TRPM1: variants seen among roughly 807,000 people sequenced by gnomAD.
TRPM1 encodes the protein transient receptor potential cation channel subfamily M member 1, also known as TRPM1-203 APA Isoform, Intron 10.
TRPM1 carries 113 observed loss-of-function variants against 149.4 expected under a neutral mutation model. That is an observed-to-expected ratio of 0.76 (90% CI 0.65 to 0.88). TRPM1 has a LOEUF of 0.88. TRPM1 is among the 40% of genes least tolerant of loss of function. TRPM1 has a pLI of 0.00. For missense variants in TRPM1, 1,976 were observed against 2,038.7 expected, an observed-to-expected ratio of 0.97 and a Z score of 0.59; for synonymous variants, 741 against 759.5, an observed-to-expected ratio of 0.98 and a Z score of 0.40.
intron 27 of TRPM1, among the ~76,000 whole-genome samples, chr15:31,004,071 C>G (rs1345620819): frequency 1.3e-5 from 2 of 152,296 alleles, no homozygotes; most frequent in East Asian, 3.9e-4. Context: ...GCTAGGAGTC[C>G]TGGCTACTGT....
Position 31,040,025 on chromosome 15 carries a change from A to T in TRPM1, c.2316+93T>A. 1 of 1,127,068 alleles carries T rather than the reference A, an allele frequency of 8.9e-7. No homozygotes were observed. The highest frequency in any genetic ancestry group is 1.3e-6 in the Non-Finnish European group (1 of 749,682). 69.8% of individuals were successfully genotyped at this position (1,127,068 alleles called of 1,614,324 possible). On this transcript the variant is annotated intron_variant, in intron 18 of 27. Coordinates refer to ENST00000256552, the MANE Select transcript of TRPM1 (RefSeq NM_001252024.2). The surrounding 1 kb of genome is among the most constrained non-coding windows in gnomAD (Gnocchi z 4.2). ...CCTCAGGGGGTTGCTAGAAGGAATA[A>T]ATGAAATAAGCCACAGAAAGTGCTC...
intron 25 of TRPM1, among the ~76,000 whole-genome samples, chr15:31,027,901 C>T (rs146346809): frequency 3.3e-4 from 50 of 152,136 alleles, no homozygotes; most frequent in South Asian, 8.3e-4. Context: ...TTTCTTAGGC[C>T]ATTTTATCTT....
chr15:31,023,431 C>T (rs2032616947), intron 27 of TRPM1, among the ~76,000 whole-genome samples: 1 of 152,120 alleles, frequency 6.6e-6, no homozygotes. Flanking sequence ...TTCAGGAAAG[C>T]CAGTGCAGGA....
intron 1 of TRPM1, chr15:31,160,861 C>T (rs1234101422): frequency 6.5e-7 from 1 of 1,530,608 alleles, no homozygotes; most frequent in African/African-American, 1.4e-5. Flanking sequence ...TGTCCCTCTG[C>T]CCTTCCGCCC....
intron 24 of TRPM1, among the ~76,000 whole-genome samples, chr15:31,028,821 T>C (rs1193725122): frequency 6.6e-6 from 1 of 152,120 alleles, no homozygotes; most frequent in Non-Finnish European, 1.5e-5. Flanking sequence ...GAGATAGTCA[T>C]TATTTGTCAT....
chr15:31,016,230 C>T (rs2032350865), intron 27 of TRPM1, among the ~76,000 whole-genome samples: 1 of 152,134 alleles, frequency 6.6e-6, no homozygotes, highest in Non-Finnish European at 1.5e-5. Context: ...CAAAATATGC[C>T]AATACCCTCA....
At chr15:31,020,806 T>C (rs1298690796) in intron 27 of TRPM1, among the ~76,000 whole-genome samples, 1 of 152,114 alleles carries the variant, frequency 6.6e-6, no homozygotes, top group Non-Finnish European at 1.5e-5. Flanking sequence ...TGCATGCTTG[T>C]CTCTCTGTCT....
In TRPM1 at chr15:31,002,514, C is replaced by CT. The variant is rs1566981866; in HGVS notation, c.4185dup (p.Glu1396ArgfsTer10). On this transcript the variant is annotated frameshift_variant, in exon 28 of 28. Coordinates refer to ENST00000256552, the MANE Select transcript of TRPM1 (RefSeq NM_001252024.2). LOFTEE classifies it low-confidence loss of function (END_TRUNC). ...TTTAAACTTGGGGAAATAGTTTCTT[C>CT]TTTTTTAGAGTCTGTCTGTCTTTCA... 6.2e-7 allele frequency: 1 copy of CT among 1,614,060 alleles called. No individual in the cohort carries two copies. The highest frequency in any genetic ancestry group is 1.7e-5 in the Admixed American group (1 of 60,010).
chr15:31,118,567 A>C (rs906975835), intron 1 of TRPM1, among the ~76,000 whole-genome samples: 2 of 152,172 alleles, frequency 1.3e-5, no homozygotes, highest in Non-Finnish European at 2.9e-5. Flanking sequence ...ATATTGTAGA[A>C]CGAGTGGCAA....
chr15:31,137,523 T>G (rs908369949), intron 1 of TRPM1, among the ~76,000 whole-genome samples: 4 of 152,160 alleles, frequency 2.6e-5, no homozygotes, highest in Non-Finnish European at 5.9e-5. Flanking sequence ...TCAAGCCCCT[T>G]GAATTAGGCA....
intron 21 of TRPM1, 85 bp from the exon 22 acceptor site, chr15:31,033,025 A>G: frequency 6.3e-7 from 1 of 1,583,528 alleles, no homozygotes; most frequent in Non-Finnish European, 8.6e-7. Flanking sequence ...AGACTGATGG[A>G]ACATTCCAGG....
chr15:31,009,490 T>A (rs541159151), intron 27 of TRPM1, among the ~76,000 whole-genome samples: 1 of 152,318 alleles, frequency 6.6e-6, no homozygotes, highest in South Asian at 2.1e-4. Context: ...TTTTTTTCCC[T>A]CTGTCTTTAG....
chr15:31,056,354 T>C (rs1243273329), intron 11 of TRPM1, among the ~76,000 whole-genome samples: 2 of 152,254 alleles, frequency 1.3e-5, no homozygotes, highest in African/African-American at 2.4e-5. Context: ...TGTGAAGATA[T>C]GGCTGCTTGA....
rs1167939130 is a variant in TRPM1 at position 31,081,442 on chromosome 15, C to T, written c.-83-4G>A. On this transcript the variant is annotated splice_region_variant and splice_polypyrimidine_tract_variant and intron_variant, in intron 1 of 27. Coordinates refer to ENST00000256552, the MANE Select transcript of TRPM1 (RefSeq NM_001252024.2). ...GTCCTCAGAAATCTTCTAGAACCTA[C>T]GAGGATAAACAAGAGGAGTAAGAGT... The T allele has an allele frequency of 1.3e-6, 2 of 1,527,992 alleles. No homozygotes were observed. The highest frequency in any genetic ancestry group is 1.8e-6 in the Non-Finnish European group (2 of 1,141,154). The allele number at this position is 1,527,992 out of a possible 1,614,324, so 94.7% of individuals were successfully genotyped here.
intron 1 of TRPM1, among the ~76,000 whole-genome samples, chr15:31,089,829 C>G (rs912588554): frequency 6.6e-6 from 1 of 152,194 alleles, no homozygotes; most frequent in South Asian, 2.1e-4. Flanking sequence ...GCGGAAGGCA[C>G]TTCTGCCTGC....
Position 31,049,527 on chromosome 15 carries a change from C to A in TRPM1, c.1438-18G>T, listed in dbSNP as rs374493963. Reference sequence around the variant, plus strand: ...GCATTCACCTGCAGGGACCAAGGGCCGGGAGCCTGTGAGTGGCCTCTCAGA... The same window carrying A: ...GCATTCACCTGCAGGGACCAAGGGCAGGGAGCCTGTGAGTGGCCTCTCAGA... On this transcript the variant is annotated intron_variant, in intron 12 of 27. Transcript: ENST00000256552. 1.9e-6 allele frequency: 3 copies of A among 1,613,020 alleles called. No homozygotes were observed. Among genetic ancestry groups the A allele is most frequent in the Non-Finnish European group, 2.5e-6 (3 of 1,179,994 alleles).
chr15:31,154,998 C>T (rs145074192), intron 1 of TRPM1, among the ~76,000 whole-genome samples: 6 of 152,240 alleles, frequency 3.9e-5, no homozygotes, highest in East Asian at 1.9e-4. Context: ...AGTAATAATC[C>T]GTGTGAATTA....
At chr15:31,121,109 C>T (rs923315087) in intron 1 of TRPM1, among the ~76,000 whole-genome samples, 2 of 151,564 alleles carry the variant, frequency 1.3e-5, no homozygotes, top group African/African-American at 2.4e-5. Flanking sequence ...TGCCTGTAAT[C>T]CCAGCTACTT....
At position 31,042,145 on chromosome 15, in the gene TRPM1, C is replaced by T; in HGVS notation, c.1893G>A (p.Gln631=). ...ACACCATCAGCTCGTGGAAGGGATA[C>T]TGGAACCGACTCACGGCAGGGTCGT... ...DVDDPAVSRF[Q]YPFHELMVWA... Residue 631 remains glutamine, a synonymous_variant, in exon 17 of 28, where the codon CAG becomes CAA. Coordinates refer to ENST00000256552, the MANE Select transcript of TRPM1 (RefSeq NM_001252024.2). The T allele has an allele frequency of 6.2e-7, 1 of 1,614,208 alleles. No homozygotes were observed. The highest frequency in any genetic ancestry group is 8.5e-7 in the Non-Finnish European group (1 of 1,180,014).
Sources: allele counts gnomAD v4.1 joint callset (sites outside exome capture counted in the v4.1 genomes callset), GRCh38; gene constraint gnomAD v4.1.1; non-coding constraint Gnocchi (gnomAD v3.1); transcripts MANE v1.5; gene names NCBI Gene and HGNC (gene_info 2026-07-23, HGNC 2026-07-21).